Variants in MICU1 observed in about 807,000 individuals in gnomAD.
MICU1 encodes mitochondrial calcium uptake 1.
MICU1 carries 45 observed loss-of-function variants against 56.8 expected under a neutral mutation model. That is an observed-to-expected ratio of 0.79 (90% CI 0.62 to 1.02). MICU1 has a LOEUF of 1.02. Ranked by LOEUF, MICU1 falls within the 50% of genes least tolerant of loss-of-function variation. MICU1 has a pLI of 0.00. For synonymous variants in MICU1, 186 were observed against 195.1 expected (o/e 0.95, Z 0.39); for missense variants, 504 against 587.1 (o/e 0.86, Z 1.46).
intron 6 of MICU1, among the ~76,000 whole-genome samples, chr10:72,493,180 T>C (rs1296169548): frequency 1.3e-5 from 2 of 152,028 alleles, no homozygotes; most frequent in Non-Finnish European, 2.9e-5. Flanking sequence ...TGTATATGTA[T>C]GCATGTACAT....
At chr10:72,579,179 T>C (rs927278320) in intron 1 of MICU1, among the ~76,000 whole-genome samples, 66 of 152,154 alleles carry the variant, frequency 4.3e-4, no homozygotes, top group Non-Finnish European at 5.1e-4. Flanking sequence ...TACATTGTCT[T>C]AGTCTGTTCT....
chr10:72,567,059 CATT>C (rs1346830146), intron 1 of MICU1, among the ~76,000 whole-genome samples: 1 of 152,002 alleles, frequency 6.6e-6, no homozygotes, highest in Non-Finnish European at 1.5e-5. Flanking sequence ...TAATATAAAA[CATT>C]ATTAAGGCCA....
chr10:72,569,616 G>A (rs1840557124), intron 1 of MICU1, among the ~76,000 whole-genome samples: 1 of 152,082 alleles, frequency 6.6e-6, no homozygotes, highest in Admixed American at 6.5e-5. Flanking sequence ...TTGAGACTGG[G>A]TTAGTCAGCA....
At chr10:72,598,593 C>T (rs1466287720) in intron 1 of MICU1, among the ~76,000 whole-genome samples, 1 of 152,008 alleles carries the variant, frequency 6.6e-6, no homozygotes, top group Non-Finnish European at 1.5e-5. Context: ...CTAACCCCTA[C>T]AGATTAGCTC....
intron 10 of MICU1, among the ~76,000 whole-genome samples, chr10:72,396,442 G>A (rs1863263713): frequency 6.6e-6 from 1 of 152,210 alleles, no homozygotes; most frequent in South Asian, 2.1e-4. Context: ...TGACTTTGAT[G>A]AGTTGACAGA....
intron 10 of MICU1, among the ~76,000 whole-genome samples, chr10:72,376,112 G>A (rs967524225): frequency 1.3e-5 from 2 of 152,020 alleles, no homozygotes; most frequent in African/African-American, 4.8e-5. Context: ...CCAAGATGGT[G>A]AAACCCTGTC....
At chr10:72,437,314 G>A (rs908038638) in intron 8 of MICU1, among the ~76,000 whole-genome samples, 8 of 152,098 alleles carry the variant, frequency 5.3e-5, no homozygotes, top group African/African-American at 1.9e-4. Context: ...AAGTGAAGGA[G>A]AAATAAAATC....
chr10:72,508,773 T>C (rs1203560099), intron 5 of MICU1: 4 of 152,658 alleles, frequency 2.6e-5, no homozygotes, highest in Admixed American at 2.6e-4. Flanking sequence ...TTTTACTTGA[T>C]AGCCCCAAGA....
intron 1 of MICU1, among the ~76,000 whole-genome samples, chr10:72,616,441 G>T (rs928895149): frequency 1.3e-5 from 2 of 151,982 alleles, no homozygotes; most frequent in Non-Finnish European, 2.9e-5. Context: ...TACAAAATTA[G>T]CCAGGCATGG....
At chr10:72,406,021 A>AT (rs1233834932) in intron 10 of MICU1, among the ~76,000 whole-genome samples, 3 of 151,756 alleles carry the variant, frequency 2.0e-5, no homozygotes, top group South Asian at 2.1e-4. Flanking sequence ...AAAGCCATAA[A>AT]TTTTTTTTTA....
chr10:72,404,303 A>C (rs571922600), intron 10 of MICU1, among the ~76,000 whole-genome samples: 51 of 152,350 alleles, frequency 3.3e-4, no homozygotes, highest in Non-Finnish European at 6.3e-4. Flanking sequence ...GTTTATAGGG[A>C]AATTTATAGC....
At chr10:72,437,047 T>C (rs1423717827) in intron 8 of MICU1, among the ~76,000 whole-genome samples, 1 of 152,048 alleles carries the variant, frequency 6.6e-6, no homozygotes, top group Non-Finnish European at 1.5e-5. Context: ...ATACAGAGAA[T>C]GCCACAAAGA....
At chr10:72,456,949 GT>G (rs1865487803) in intron 8 of MICU1, among the ~76,000 whole-genome samples, 1 of 35,832 alleles carries the variant, frequency 2.8e-5, no homozygotes, top group Non-Finnish European at 8.6e-5. Flanking sequence ...TTGCCCAGGT[GT>G]GTGTGTGTGT....
At chr10:72,456,711 C>T (rs967711067) in intron 8 of MICU1, among the ~76,000 whole-genome samples, 4 of 151,808 alleles carry the variant, frequency 2.6e-5, no homozygotes, top group African/African-American at 7.3e-5. Flanking sequence ...TTTTTTGAGA[C>T]AGGGTCTTGC....
intron 1 of MICU1, among the ~76,000 whole-genome samples, chr10:72,621,471 G>A (rs1336577834): frequency 3.3e-5 from 5 of 151,976 alleles, no homozygotes; most frequent in South Asian, 2.1e-4. Context: ...CAGCCTGGGC[G>A]ACAAGTGTAA....
intron 1 of MICU1, among the ~76,000 whole-genome samples, chr10:72,625,349 T>TGTAATCTTA (rs1842201410): frequency 6.6e-6 from 1 of 152,212 alleles, no homozygotes; most frequent in Non-Finnish European, 1.5e-5. Flanking sequence ...AGAAGGCAAC[T>TGTAATCTTA]TGAAGAACAG....
intron 9 of MICU1, among the ~76,000 whole-genome samples, chr10:72,417,792 A>G (rs1173715756): frequency 6.6e-6 from 1 of 152,206 alleles, no homozygotes; most frequent in Non-Finnish European, 1.5e-5. Context: ...ACACTGATGG[A>G]GCATTGCATC....
At chr10:72,481,382 G>GA (rs1866289601) in intron 6 of MICU1, among the ~76,000 whole-genome samples, 1 of 152,080 alleles carries the variant, frequency 6.6e-6, no homozygotes, top group Non-Finnish European at 1.5e-5. Context: ...GAAAGGTTCT[G>GA]AAAGAGGAAT....
At chr10:72,531,894 T>TA (rs1839495678) in intron 5 of MICU1, among the ~76,000 whole-genome samples, 1 of 151,646 alleles carries the variant, frequency 6.6e-6, no homozygotes, top group African/African-American at 2.4e-5. Flanking sequence ...TTTTTTTTTT[T>TA]TTTAGTCCTT....
Sources: gnomAD v4.1 joint callset for allele counts (sites outside exome capture counted in the v4.1 genomes callset) on GRCh38, gnomAD v4.1.1 for gene constraint, MANE v1.5 for transcripts, NCBI Gene and HGNC (gene_info 2026-07-23, HGNC 2026-07-21) for gene names.